The following TSNARE1 variants were observed in gnomAD, a reference collection of about 807,000 sequenced individuals.
The protein encoded by TSNARE1 is t-SNARE domain containing 1.
Under a neutral mutation model 62.0 loss-of-function variants are expected in TSNARE1, and 49 were observed. The ratio of observed to expected loss-of-function variants is 0.79; its 90% CI spans 0.63 to 1.00. The LOEUF is 1.00. TSNARE1 is among the 50% of genes least tolerant of loss of function. TSNARE1 has a pLI of 0.00. For missense variants in TSNARE1, 755 were observed against 700.1 expected (o/e 1.08, Z -0.88); for synonymous variants, 328 against 294.4 (o/e 1.11, Z -1.17).
chr8:142,316,914 G>A (rs1354101349), intron 7 of TSNARE1, among the ~76,000 whole-genome samples: 1 of 151,926 alleles, frequency 6.6e-6, no homozygotes, highest in East Asian at 1.9e-4. Flanking sequence ...AGGACTGGCT[G>A]AGCCACGCTG....
chr8:142,374,999 G>A (rs773417424), intron 1 of TSNARE1, among the ~76,000 whole-genome samples: 62 of 152,198 alleles, frequency 4.1e-4, no homozygotes, highest in Admixed American at 9.2e-4. Context: ...CCCCAGGGAG[G>A]AGACAGGCTT....
chr8:142,400,891 T>G (rs1838240350), intron 1 of TSNARE1, among the ~76,000 whole-genome samples: 1 of 152,214 alleles, frequency 6.6e-6, no homozygotes, highest in Non-Finnish European at 1.5e-5. Context: ...CCAGGGTGAC[T>G]GTGAGAGTAA....
intron 12 of TSNARE1, among the ~76,000 whole-genome samples, chr8:142,250,696 C>A (rs903666888): frequency 2.6e-5 from 4 of 152,208 alleles, no homozygotes; most frequent in Non-Finnish European, 5.9e-5. Context: ...CAGGCGCTTG[C>A]AGACGTGGGG....
chr8:142,335,810 A>T (rs1414338912), intron 4 of TSNARE1, among the ~76,000 whole-genome samples: 3 of 152,194 alleles, frequency 2.0e-5, no homozygotes, highest in Non-Finnish European at 2.9e-5. Context: ...TAAAATGGTA[A>T]ACTCGGTTGC....
intron 4 of TSNARE1, among the ~76,000 whole-genome samples, chr8:142,342,224 A>G (rs34362113): frequency 0.2 from 30,502 of 152,298 alleles, 3,325 homozygotes; most frequent in East Asian, 0.36. Context: ...CAGCAAGGCC[A>G]AGTGACTCGG....
chr8:142,307,345 C>T (rs779811401), intron 9 of TSNARE1, among the ~76,000 whole-genome samples: 4 of 152,178 alleles, frequency 2.6e-5, no homozygotes, highest in South Asian at 2.1e-4. Context: ...TGTGTCACTG[C>T]GTGGGGGCTG....
At chr8:142,223,112 GTTCACTCA>G (rs1194933488) in intron 13 of TSNARE1, among the ~76,000 whole-genome samples, 1,065 of 15,636 alleles carry the variant, frequency 0.068, 200 homozygotes, top group African/African-American at 0.19. Context: ...TCACTCACTC[GTTCACTCA>G]TTCACTCATT....
chr8:142,364,682 C>T (rs940568626), intron 1 of TSNARE1, among the ~76,000 whole-genome samples: 1 of 152,004 alleles, frequency 6.6e-6, no homozygotes. Context: ...CGGAAGAGCT[C>T]AAATAAAGGT....
rs144783450 is a variant in TSNARE1 at position 142,306,596 on chromosome 8, G to A, written c.1132-5952C>T. ...CACCCAGGGGAGACAGGCAAGAGAC[G>A]GGGAAGGCAGCAAGTGCCCCTCGCA... On this transcript the variant is annotated intron_variant, in intron 9 of 13. Coordinates refer to ENST00000524325, the MANE Select transcript of TSNARE1 (RefSeq NM_145003.5). Among the ~76,000 whole-genome samples, 283 of 152,344 alleles carry A rather than the reference G, an allele frequency of 1.9e-3. 1 individual carries two copies. Among genetic ancestry groups the A allele is most frequent in the Non-Finnish European group, 3.4e-3 (234 of 68,032 alleles).
In TSNARE1 at chr8:142,224,337, C is replaced by G. The variant is rs555686396; in HGVS notation, c.*11+5136G>C. Among the ~76,000 whole-genome samples, 9 of 152,346 alleles carry G rather than the reference C, an allele frequency of 5.9e-5. No individual in the cohort carries two copies. In the East Asian group the frequency reaches 1.7e-3, roughly 29 times the overall value. On this transcript the variant is annotated intron_variant, in intron 13 of 13. Coordinates refer to ENST00000524325, the MANE Select transcript of TSNARE1 (RefSeq NM_145003.5). ...GATGCCCCAAGCCTGACTATGGACC[C>G]TGGCCACACACTGACCTCTGACCCT...
intron 12 of TSNARE1, among the ~76,000 whole-genome samples, chr8:142,249,120 C>T (rs1297247390): frequency 2.0e-5 from 3 of 152,282 alleles, no homozygotes; most frequent in Non-Finnish European, 4.4e-5. Flanking sequence ...CCCAATGCCC[C>T]TTCCTCACGG....
chr8:142,237,669 C>G (rs1817499436), intron 12 of TSNARE1, among the ~76,000 whole-genome samples: 1 of 152,360 alleles, frequency 6.6e-6, no homozygotes, highest in South Asian at 2.1e-4. Flanking sequence ...TTCCTGCAGA[C>G]AGCCCCTTCC....
At chr8:142,280,572 A>G (rs1158484520) in intron 11 of TSNARE1, among the ~76,000 whole-genome samples, 1 of 152,138 alleles carries the variant, frequency 6.6e-6, no homozygotes, top group Non-Finnish European at 1.5e-5. Context: ...GTGGTGGGTC[A>G]GCCCTGGTTT....
At chr8:142,273,785 C>A (rs151074570) in intron 12 of TSNARE1, 71 of 985,424 alleles carry the variant, frequency 7.2e-5, no homozygotes, top group East Asian at 1.1e-4. Context: ...CAGGCCCCTG[C>A]GTGGTTCCAG....
At chr8:142,276,671 G>C (rs1404370503) in intron 11 of TSNARE1, 1 of 985,236 alleles carries the variant, frequency 1.0e-6, no homozygotes, top group Non-Finnish European at 1.2e-6. Context: ...CCCCACCCTT[G>C]GACTCAGCCT....
In TSNARE1 at chr8:142,343,993, C is replaced by A. The variant is rs79460462; in HGVS notation, c.718G>T (p.Glu240Ter). The A allele has an allele frequency of 1.3e-6, 2 of 1,541,790 alleles. No homozygotes were observed. Among genetic ancestry groups the A allele is most frequent in the African/African-American group, 1.4e-5 (1 of 73,070 alleles). ...KTFSCQALPS[E>*]GFSLEPPRAT... The stretch of plus-strand genomic sequence containing the variant: ...CTGGGCGGCTCCAGACTGAAGCCCT[C>A]GGAGGGCAGGGCCTGGCAAGAGAAG... Residue 240 changes from glutamate to a stop codon, truncating the protein, a stop_gained, in exon 4 of 14, where the codon GAG becomes TAG. Coordinates refer to ENST00000524325, the MANE Select transcript of TSNARE1 (RefSeq NM_145003.5). LOFTEE classifies it high-confidence loss of function.
At chr8:142,362,453 T>C (rs1835234590) in intron 1 of TSNARE1, among the ~76,000 whole-genome samples, 1 of 152,186 alleles carries the variant, frequency 6.6e-6, no homozygotes, top group African/African-American at 2.4e-5. Context: ...CTGAGCCCAC[T>C]TTCTGCTGCT....
chr8:142,278,187 C>A (rs1031011304), intron 11 of TSNARE1: 3 of 985,460 alleles, frequency 3.0e-6, no homozygotes, highest in African/African-American at 1.7e-5. Context: ...ACAGCCCAGG[C>A]CCCTTGTCCA....
At chr8:142,270,936 C>A in intron 12 of TSNARE1, 1 of 985,532 alleles carries the variant, frequency 1.0e-6, no homozygotes, top group Non-Finnish European at 1.2e-6. Context: ...AGACAGCCCA[C>A]ATCCTCTCAT....
Sources: gnomAD v4.1 joint callset for allele counts (sites outside exome capture counted in the v4.1 genomes callset) on GRCh38, gnomAD v4.1.1 for gene constraint, MANE v1.5 for transcripts, NCBI Gene and HGNC (gene_info 2026-07-23, HGNC 2026-07-21) for gene names.